RIMBP2: variants seen among roughly 807,000 people sequenced by gnomAD.
RIMBP2 encodes the protein RIMS-binding protein 2.
RIMBP2 carries 48 observed loss-of-function variants against 118.6 expected under a neutral mutation model. The ratio of observed to expected loss-of-function variants is 0.40; its 90% CI spans 0.32 to 0.51. The LOEUF (loss-of-function observed/expected upper bound fraction) is 0.51. Ranked by LOEUF, RIMBP2 falls within the 20% of genes least tolerant of loss-of-function variation. RIMBP2 has a pLI of 0.41. For missense variants in RIMBP2, 1,551 were observed against 1,768.3 expected (o/e 0.88, Z 2.20); for synonymous variants, 762 against 742.9 (o/e 1.03, Z -0.42).
At chr12:130,407,087 C>G (rs556085902) in intron 20 of RIMBP2, among the ~76,000 whole-genome samples, 45 of 152,324 alleles carry the variant, frequency 3.0e-4, no homozygotes, top group African/African-American at 1.0e-3. Flanking sequence ...AAGCAGAAAT[C>G]TAGACAATAT....
chr12:130,424,968 G>A lies in RIMBP2; in HGVS notation c.2413-110C>T, dbSNP rs114526653. On this transcript the variant is annotated intron_variant, in intron 15 of 22. Coordinates refer to ENST00000690449, the MANE Select transcript of RIMBP2 (RefSeq NM_001393629.1). The surrounding 1 kb of genome is among the most constrained non-coding windows in gnomAD (Gnocchi z 9.8). ...AGACAGAATTAGTCCTGGAGGCACC[G>A]AGGGGGGGGAAGCATGCGTCTACTC... The A allele has an allele frequency of 9.0e-3, 5,153 of 570,672 alleles. 236 individuals carry two copies. Among genetic ancestry groups the A allele is most frequent in the African/African-American group, 0.09 (4,626 of 51,544 alleles). The allele number at this position is 570,672 out of a possible 1,614,324, so 35.4% of individuals were successfully genotyped here. A position where few individuals can be genotyped will look rare whatever the true frequency, so the allele number is the denominator to read the frequency against.
At chr12:130,467,934 AGGCATTTTATGTAACATGTGTTCT>A (rs2080644904) in intron 6 of RIMBP2, among the ~76,000 whole-genome samples, 1 of 152,186 alleles carries the variant, frequency 6.6e-6, no homozygotes, top group Non-Finnish European at 1.5e-5. Context: ...CCGTGTGCTC[AGGCATTTTATGTAACATGTGTTCT>A]GGGGTGTATC....
At chr12:130,545,185 A>G (rs948177183) in intron 2 of RIMBP2, among the ~76,000 whole-genome samples, 2 of 152,190 alleles carry the variant, frequency 1.3e-5, no homozygotes, top group African/African-American at 2.4e-5. Context: ...AAGGTCCTCA[A>G]GGGCAGAACT....
At chr12:130,570,913 T>C (rs188219333) in intron 2 of RIMBP2, among the ~76,000 whole-genome samples, 65 of 152,242 alleles carry the variant, frequency 4.3e-4, no homozygotes, top group African/African-American at 1.3e-3. Context: ...ACTCCACAAG[T>C]GCTTACTGAA....
intron 21 of RIMBP2, among the ~76,000 whole-genome samples, 198 bp from the exon 22 acceptor site, chr12:130,400,011 T>TG (rs1043735039): frequency 2.6e-4 from 40 of 152,298 alleles, no homozygotes; most frequent in African/African-American, 8.7e-4. Flanking sequence ...GCCCCTTTCC[T>TG]GGGGTCTTGA....
intron 2 of RIMBP2, among the ~76,000 whole-genome samples, chr12:130,610,965 C>T (rs2060506241): frequency 6.6e-6 from 1 of 152,226 alleles, no homozygotes; most frequent in South Asian, 2.1e-4. Flanking sequence ...TCCCTGGCCA[C>T]TCTGCCTCCG....
chr12:130,480,553 TTTTATTA>T (rs2081900022), intron 4 of RIMBP2, among the ~76,000 whole-genome samples: 1 of 152,214 alleles, frequency 6.6e-6, no homozygotes, highest in Non-Finnish European at 1.5e-5. Context: ...TTTTTTATTA[TTTTATTA>T]TTTTACAATT....
In RIMBP2 at chr12:130,670,962, G is replaced by A. The variant is rs1019172019; in HGVS notation, c.-351-42506C>T. On this transcript the variant is annotated intron_variant, in intron 1 of 22. Coordinates refer to ENST00000690449, the MANE Select transcript of RIMBP2 (RefSeq NM_001393629.1). This position sits in a 1 kb window ranked among gnomAD's most constrained non-coding sequence, Gnocchi z 4.9. ...TTTAGTAGACACGGGGTTTCACCAT[G>A]TTGGCCAGGCTGGTCTCAAACTCCT... Among the ~76,000 whole-genome samples the A allele has an allele frequency of 6.6e-6, 1 of 152,136 alleles. No homozygotes were observed. The highest frequency in any genetic ancestry group is 1.5e-5 in the Non-Finnish European group (1 of 68,036).
intron 1 of RIMBP2, among the ~76,000 whole-genome samples, chr12:130,631,305 A>G (rs1202952061): frequency 6.6e-6 from 1 of 152,238 alleles, no homozygotes; most frequent in African/African-American, 2.4e-5. Context: ...TATACACACA[A>G]TAACAACGTA....
At chr12:130,712,544 G>A (rs1188953639) in intron 1 of RIMBP2, among the ~76,000 whole-genome samples, 1 of 152,162 alleles carries the variant, frequency 6.6e-6, no homozygotes, top group Non-Finnish European at 1.5e-5. Flanking sequence ...AATAACACAA[G>A]GTGTGCCGTC....
At chr12:130,515,655 A>G (rs1227407097) in intron 3 of RIMBP2, among the ~76,000 whole-genome samples, 1 of 150,910 alleles carries the variant, frequency 6.6e-6, no homozygotes, top group African/African-American at 2.4e-5. Flanking sequence ...TTTGGCTACT[A>G]TAAATTTGTA....
intron 1 of RIMBP2, among the ~76,000 whole-genome samples, chr12:130,646,870 C>T (rs7971733): frequency 0.016 from 2,365 of 152,346 alleles, 69 homozygotes; most frequent in African/African-American, 0.053. Context: ...GCGCCATGGG[C>T]ATGACAGTGG....
At chr12:130,430,699 C>T (rs969656998) in intron 14 of RIMBP2, 14 of 135,304 alleles carry the variant, frequency 1.0e-4, no homozygotes, top group African/African-American at 3.9e-4. Flanking sequence ...ATCACCATCT[C>T]GGTTCACTGC....
intron 1 of RIMBP2, among the ~76,000 whole-genome samples, chr12:130,695,197 C>T (rs2065509096): frequency 6.6e-6 from 1 of 152,196 alleles, no homozygotes; most frequent in African/African-American, 2.4e-5. Flanking sequence ...CTGGAGCCTT[C>T]CCTGGTCATG....
intron 2 of RIMBP2, among the ~76,000 whole-genome samples, chr12:130,608,214 C>T (rs1308180221): frequency 6.6e-6 from 1 of 152,198 alleles, no homozygotes; most frequent in Non-Finnish European, 1.5e-5. Flanking sequence ...TGGGCAAGTT[C>T]TCCAAGCTTA....
rs537729676 is a variant in RIMBP2, at chr12:130,466,815, G to A, written c.153+3878C>T. ...TCAGCTCCTAACCCTCTGCTCACCC[G>A]AGACAAAGGTATATCTGATTGTTTC... is the stretch of plus-strand genomic sequence containing the variant. On this transcript the variant is annotated intron_variant, in intron 6 of 22. Transcript: ENST00000690449. Among the ~76,000 whole-genome samples, 29 of 152,254 alleles carry A rather than the reference G, an allele frequency of 1.9e-4. No homozygotes were observed. The South Asian group carries it at 3.1e-3, about 16-fold the overall frequency.
chr12:130,650,938 T>G (rs2063202112), intron 1 of RIMBP2, among the ~76,000 whole-genome samples: 2 of 142,278 alleles, frequency 1.4e-5, no homozygotes, highest in Admixed American at 1.4e-4. Flanking sequence ...GAACAAAAAT[T>G]TACACAGCCT....
Position 130,506,715 on chromosome 12 carries a change from C to T in RIMBP2, c.-71G>A, listed in dbSNP as rs2050392625. ...GTGTTTCTCCTTCACGGCCAAATCG[C>T]GCTCTCTGGTCACGAGGGTGAGCGG... On this transcript the variant is annotated 5_prime_UTR_variant, in exon 4 of 23. Transcript: ENST00000690449. The T allele has an allele frequency of 1.7e-5, 17 of 985,724 alleles. No individual in the cohort carries two copies. The highest frequency in any genetic ancestry group is 9.4e-5 in the South Asian group (2 of 21,282). 61.1% of individuals were successfully genotyped at this position (985,724 alleles called of 1,614,324 possible).
intron 2 of RIMBP2, among the ~76,000 whole-genome samples, chr12:130,529,273 C>G (rs1326427321): frequency 6.6e-6 from 1 of 152,066 alleles, no homozygotes; most frequent in African/African-American, 2.4e-5. Flanking sequence ...CTGATTCACG[C>G]TACAACAGGG....
Sources: gnomAD v4.1 joint callset for allele counts (sites outside exome capture counted in the v4.1 genomes callset) on GRCh38, gnomAD v4.1.1 for gene constraint, Gnocchi (gnomAD v3.1) non-coding constraint, MANE v1.5 for transcripts, NCBI Gene and HGNC (gene_info 2026-07-23, HGNC 2026-07-21) for gene names.